Variants in INPP5A observed in about 807,000 individuals in gnomAD.
INPP5A encodes the protein 43 kDa inositol polyphosphate 5-phophatase.
A neutral mutation model predicts 65.2 loss-of-function variants in INPP5A; 14 were observed. That is an observed-to-expected ratio of 0.21 (90% CI 0.14 to 0.34). INPP5A has a LOEUF of 0.34. Among genes scored for constraint, INPP5A ranks in the 10% least tolerant of loss-of-function variants. INPP5A has a pLI of 1.00. For synonymous variants in INPP5A, 207 were observed against 208.3 expected (o/e 0.99, Z 0.05); for missense variants, 431 against 545.6 (o/e 0.79, Z 2.09).
intron 4 of INPP5A, among the ~76,000 whole-genome samples, chr10:132,669,399 T>C (rs2133431615): frequency 6.6e-6 from 1 of 152,198 alleles, no homozygotes; most frequent in Admixed American, 6.5e-5. Context: ...AGGGGCACAA[T>C]GCAGGCTCCT....
chr10:132,578,980 CTCAT>C (rs1238238087), intron 1 of INPP5A, among the ~76,000 whole-genome samples: 2 of 152,214 alleles, frequency 1.3e-5, no homozygotes, highest in Non-Finnish European at 2.9e-5. Flanking sequence ...GGAGCTGCCT[CTCAT>C]TGGCCCTAGG....
chr10:132,567,685 T>TGCACAG (rs2071289124), intron 1 of INPP5A, among the ~76,000 whole-genome samples: 1 of 152,226 alleles, frequency 6.6e-6, no homozygotes, highest in Non-Finnish European at 1.5e-5. Context: ...CTCGGTCTGA[T>TGCACAG]TTCCAAAGCT....
chr10:132,692,827 G>T (rs573960226), intron 5 of INPP5A, among the ~76,000 whole-genome samples: 9 of 152,316 alleles, frequency 5.9e-5, no homozygotes, highest in Admixed American at 5.9e-4. Flanking sequence ...ATATCATATA[G>T]CCCAGAAACT....
intron 9 of INPP5A, among the ~76,000 whole-genome samples, chr10:132,738,722 G>A (rs1306886365): frequency 6.6e-6 from 1 of 152,242 alleles, no homozygotes. Flanking sequence ...GAGAGGACAT[G>A]AAAGAGTCTT....
chr10:132,618,457 T>G (rs184598776), intron 2 of INPP5A, among the ~76,000 whole-genome samples: 1 of 152,192 alleles, frequency 6.6e-6, no homozygotes, highest in Non-Finnish European at 1.5e-5. Context: ...ATAACCCAAA[T>G]AGGTGAGCTA....
intron 1 of INPP5A, among the ~76,000 whole-genome samples, chr10:132,589,803 C>T (rs538924588): frequency 8.5e-5 from 13 of 152,238 alleles, no homozygotes; most frequent in South Asian, 2.1e-4. Flanking sequence ...TTTCCACTCT[C>T]GCCCTGTGCA....
chr10:132,700,831 A>C (rs996337879), intron 6 of INPP5A, among the ~76,000 whole-genome samples: 5 of 152,268 alleles, frequency 3.3e-5, no homozygotes, highest in Non-Finnish European at 5.9e-5. Context: ...GCAGAAACTA[A>C]CAAAACTTTC....
intron 5 of INPP5A, among the ~76,000 whole-genome samples, chr10:132,690,713 G>T (rs1845244508): frequency 6.6e-6 from 1 of 152,186 alleles, no homozygotes; most frequent in Non-Finnish European, 1.5e-5. Context: ...GGAATAGTTT[G>T]TATCTGTGTT....
At chr10:132,716,032 G>A (rs970510181) in intron 8 of INPP5A, among the ~76,000 whole-genome samples, 13 of 152,228 alleles carry the variant, frequency 8.5e-5, no homozygotes, top group African/African-American at 3.1e-4. Flanking sequence ...GGCAGGAGGG[G>A]CTCCTTTCGC....
intron 2 of INPP5A, among the ~76,000 whole-genome samples, chr10:132,639,588 C>G (rs1284148803): frequency 6.6e-6 from 1 of 152,220 alleles, no homozygotes; most frequent in African/African-American, 2.4e-5. Context: ...TATGCACTCA[C>G]TGAGGTTCTA....
chr10:132,683,932 C>G (rs1296543445), intron 4 of INPP5A, among the ~76,000 whole-genome samples: 1 of 152,194 alleles, frequency 6.6e-6, no homozygotes, highest in Non-Finnish European at 1.5e-5. Flanking sequence ...CCAGGCTGGT[C>G]TCGAACTCCT....
chr10:132,762,255 T>C lies in INPP5A; in HGVS notation c.904-3518T>C, dbSNP rs1051734942. On this transcript the variant is annotated intron_variant, in intron 11 of 15. Transcript: ENST00000368594. The surrounding 1 kb of genome is among the most constrained non-coding windows in gnomAD (Gnocchi z 4.6). ...TCCAAGACATAAACCTCAGGAAGCA[T>C]GGTGAGTCCTGAGCAGGAGGAATGG... Among the ~76,000 whole-genome samples, 4 of 152,242 alleles carry C rather than the reference T, an allele frequency of 2.6e-5. No homozygotes were observed. Among genetic ancestry groups the C allele is most frequent in the African/African-American group, 9.6e-5 (4 of 41,554 alleles).
chr10:132,559,805 C>T (rs1027917034), intron 1 of INPP5A, among the ~76,000 whole-genome samples: 1 of 152,250 alleles, frequency 6.6e-6, no homozygotes, highest in African/African-American at 2.4e-5. Context: ...TTACTCAGCA[C>T]GTGTGTTCTG....
intron 1 of INPP5A, among the ~76,000 whole-genome samples, chr10:132,590,018 T>C (rs1370083005): frequency 2.0e-5 from 3 of 152,262 alleles, no homozygotes; most frequent in African/African-American, 7.2e-5. Flanking sequence ...CCATGGCTCC[T>C]GCACGGATGG....
At chr10:132,586,927 A>G (rs2071552775) in intron 1 of INPP5A, among the ~76,000 whole-genome samples, 1 of 152,138 alleles carries the variant, frequency 6.6e-6, no homozygotes, top group Non-Finnish European at 1.5e-5. Flanking sequence ...GTGTTTGTAA[A>G]TAGCGAGTCG....
At chr10:132,691,411 G>A (rs1481389864) in intron 5 of INPP5A, among the ~76,000 whole-genome samples, 1 of 152,214 alleles carries the variant, frequency 6.6e-6, no homozygotes, top group African/African-American at 2.4e-5. Context: ...CGGCGTCTGC[G>A]TGCTGTGCGC....
chr10:132,716,041 G>C (rs1427464181), intron 8 of INPP5A, among the ~76,000 whole-genome samples: 1 of 152,210 alleles, frequency 6.6e-6, no homozygotes, highest in East Asian at 1.9e-4. Flanking sequence ...GGCTCCTTTC[G>C]CCTGTGCCTC....
intron 1 of INPP5A, among the ~76,000 whole-genome samples, chr10:132,599,381 CA>C (rs564817620): frequency 1.1e-3 from 164 of 152,338 alleles, no homozygotes; most frequent in African/African-American, 3.7e-3. Flanking sequence ...TTTAAAGCTC[CA>C]AAATGATCTC....
chr10:132,685,205 C>T (rs1319791237), intron 4 of INPP5A, among the ~76,000 whole-genome samples: 1 of 152,250 alleles, frequency 6.6e-6, no homozygotes, highest in African/African-American at 2.4e-5. Context: ...AGTCAGGGCT[C>T]CCCTGGGCCG....
Sources: allele counts gnomAD v4.1 joint callset (sites outside exome capture counted in the v4.1 genomes callset), GRCh38; gene constraint gnomAD v4.1.1; non-coding constraint Gnocchi (gnomAD v3.1); transcripts MANE v1.5; gene names NCBI Gene and HGNC (gene_info 2026-07-23, HGNC 2026-07-21).